The following CELF1 variants were observed in gnomAD, a reference collection of about 807,000 sequenced individuals.
CELF1 encodes the protein 50 kDa nuclear polyadenylated RNA-binding protein.
In CELF1, 10 loss-of-function variants were observed where a neutral mutation model predicts 61.8. That is an observed-to-expected ratio of 0.16 (90% CI 0.10 to 0.27). CELF1 has a LOEUF of 0.27. Ranked by LOEUF, CELF1 falls within the 10% of genes least tolerant of loss-of-function variation. The pLI, the probability that CELF1 is intolerant of heterozygous loss-of-function variation, is 1.00. For missense variants in CELF1, 380 were observed against 639.1 expected (o/e 0.59, Z 4.37); for synonymous variants, 236 against 225.1 (o/e 1.05, Z -0.43).
At chr11:47,565,421 C>T (rs917723889) in exon 1 of CELF1, 10 of 364,378 alleles carry the variant, frequency 2.7e-5, no homozygotes, top group Non-Finnish European at 4.1e-5. Context: ...CAGGAAACCT[C>T]GGTCCCTCCT....
chr11:47,504,601 T>TA (rs11388676), intron 1 of CELF1, among the ~76,000 whole-genome samples: 4,444 of 140,988 alleles, frequency 0.032, 263 homozygotes, highest in African/African-American at 0.1. Context: ...AAATAAAACA[T>TA]AAAAAACCTC....
At chr11:47,506,682 G>A (rs1257152749) in intron 1 of CELF1, among the ~76,000 whole-genome samples, 1 of 152,192 alleles carries the variant, frequency 6.6e-6, no homozygotes, top group Non-Finnish European at 1.5e-5. Flanking sequence ...GGAAAAGAGG[G>A]CAAGAAAATA....
intron 3 of CELF1, among the ~76,000 whole-genome samples, chr11:47,496,560 G>A (rs996484813): frequency 6.6e-6 from 1 of 152,206 alleles, no homozygotes; most frequent in African/African-American, 2.4e-5. Flanking sequence ...GAAAGAAGTG[G>A]CTAATATGAT....
At chr11:47,493,441 G>A (rs2092331795) in intron 3 of CELF1, among the ~76,000 whole-genome samples, 1 of 149,512 alleles carries the variant, frequency 6.7e-6, no homozygotes, top group South Asian at 2.1e-4. Context: ...CCGGGAGGCG[G>A]AGACTACAGT....
intron 1 of CELF1, among the ~76,000 whole-genome samples, chr11:47,521,471 A>G (rs2095880651): frequency 6.6e-6 from 1 of 152,210 alleles, no homozygotes; most frequent in Non-Finnish European, 1.5e-5. Context: ...CTAGAGTCAT[A>G]CCACTGCTTT....
At chr11:47,493,777 G>A (rs1171170237) in intron 3 of CELF1, among the ~76,000 whole-genome samples, 1 of 152,124 alleles carries the variant, frequency 6.6e-6, no homozygotes, top group African/African-American at 2.4e-5. Flanking sequence ...CACTACCAAG[G>A]TATAGCAACA....
chr11:47,533,015 C>T (rs1339639293), intron 1 of CELF1, among the ~76,000 whole-genome samples: 1 of 151,862 alleles, frequency 6.6e-6, no homozygotes, highest in Non-Finnish European at 1.5e-5. Flanking sequence ...AAGTTGTAAG[C>T]AAAGAGGTTG....
At chr11:47,561,934 GA>G (rs199946954) in intron 2 of CELF1, among the ~76,000 whole-genome samples, 29 of 144,432 alleles carry the variant, frequency 2.0e-4, no homozygotes, top group Non-Finnish European at 2.1e-4. Context: ...TATCTATTAA[GA>G]AAAAAAAAAA....
intron 9 of CELF1, among the ~76,000 whole-genome samples, chr11:47,481,093 TTTC>T (rs1565766340): frequency 5.0e-4 from 51 of 102,154 alleles, no homozygotes; most frequent in African/African-American, 1.2e-3. Flanking sequence ...TTTTTTTTTT[TTTC>T]TTCTTCTTTT....
intron 1 of CELF1, among the ~76,000 whole-genome samples, chr11:47,534,167 T>C (rs1397953038): frequency 6.6e-6 from 1 of 151,246 alleles, no homozygotes; most frequent in African/African-American, 2.4e-5. Context: ...TAGCTGAGAT[T>C]ACAGGCGCCT....
chr11:47,489,100 C>G, intron 3 of CELF1, 76 bp from the exon 4 acceptor site: 1 of 1,246,464 alleles, frequency 8.0e-7, no homozygotes, highest in Non-Finnish European at 1.1e-6. Context: ...CTTTAATGAT[C>G]TTAACTAGTT....
At chr11:47,552,762 G>C (rs879714672) in intron 1 of CELF1, among the ~76,000 whole-genome samples, 1 of 152,170 alleles carries the variant, frequency 6.6e-6, no homozygotes, top group Non-Finnish European at 1.5e-5. Flanking sequence ...CTCCCTGGGC[G>C]CGGGGGCACG....
intron 1 of CELF1, among the ~76,000 whole-genome samples, chr11:47,526,737 T>C (rs2096257058): frequency 6.6e-6 from 1 of 152,116 alleles, no homozygotes. Context: ...AACTATGAGA[T>C]CCTTGATTAT....
At chr11:47,554,820 CCTGA>C (rs1048007639), upstream of CELF1, among the ~76,000 whole-genome samples, 11 of 152,038 alleles carry the variant, frequency 7.2e-5, no homozygotes, top group African/African-American at 2.4e-4. Context: ...TGCCACGATG[CCTGA>C]CTAATTTTTG....
chr11:47,470,742 CTA>C lies in CELF1; in HGVS notation c.*1486_*1487del. ...CCAGGGATCCCATCCCTGGCTGTGG[CTA>C]CAGTCACATCTTAACAGGGCCACCT... On this transcript the variant is annotated 3_prime_UTR_variant, in exon 15 of 15. Transcript: ENST00000687097. 1 of 152,190 alleles carries C rather than the reference CTA, an allele frequency of 6.6e-6. No individual in the cohort carries two copies. The highest frequency in any genetic ancestry group is 1.5e-5 in the Non-Finnish European group (1 of 68,066). 9.4% of individuals were successfully genotyped at this position (152,190 alleles called of 1,614,324 possible).
chr11:47,485,327 T>C (rs1395703865), intron 6 of CELF1, among the ~76,000 whole-genome samples: 3 of 152,124 alleles, frequency 2.0e-5, no homozygotes, highest in Admixed American at 2.0e-4. Context: ...ACCACAGGTA[T>C]GTACCACCAC....
chr11:47,516,954 G>GT (rs1350257492), intron 1 of CELF1, among the ~76,000 whole-genome samples: 2 of 152,104 alleles, frequency 1.3e-5, no homozygotes, highest in African/African-American at 2.4e-5. Context: ...AAAAGGGATA[G>GT]TATCTCATCA....
intron 5 of CELF1, 108 bp from the exon 6 acceptor site, chr11:47,486,906 C>T: frequency 1.1e-6 from 1 of 877,902 alleles, no homozygotes; most frequent in Non-Finnish European, 1.9e-6. Context: ...TCTCTCTGAA[C>T]TCATGTCTGC....
At chr11:47,513,606 C>A (rs1167037362) in intron 1 of CELF1, 4 of 151,234 alleles carry the variant, frequency 2.6e-5, no homozygotes, top group Non-Finnish European at 5.9e-5. Context: ...ACTACAGGCA[C>A]CCGCCACCAC....
Sources: allele counts gnomAD v4.1 joint callset (sites outside exome capture counted in the v4.1 genomes callset), GRCh38; gene constraint gnomAD v4.1.1; transcripts MANE v1.5; gene names NCBI Gene and HGNC (gene_info 2026-07-23, HGNC 2026-07-21).